The following DIP2C variants were observed in gnomAD, a reference collection of about 807,000 sequenced individuals.
The protein encoded by DIP2C is disco-interacting protein 2 homolog C.
In DIP2C, 33 loss-of-function variants were observed where a neutral mutation model predicts 192.4. That is an observed-to-expected ratio of 0.17 (90% CI 0.13 to 0.23). The LOEUF (loss-of-function observed/expected upper bound fraction) is 0.23, where lower values mean the gene tolerates loss of function less well. Among genes scored for constraint, DIP2C ranks in the 10% least tolerant of loss-of-function variants. The pLI, the probability that DIP2C is intolerant of heterozygous loss-of-function variation, is 1.00. For synonymous variants in DIP2C, 979 were observed against 864.1 expected, an observed-to-expected ratio of 1.13 and a Z score of -2.33; for missense variants, 1,537 against 2,110.1, an observed-to-expected ratio of 0.73 and a Z score of 5.32.
chr10:592,613 G>T (rs897750762), intron 1 of DIP2C, among the ~76,000 whole-genome samples: 7 of 152,244 alleles, frequency 4.6e-5, no homozygotes, highest in African/African-American at 1.7e-4. Flanking sequence ...GAATTCCTGG[G>T]ATTCAGAAAC....
At chr10:643,219 A>G (rs959881574) in intron 1 of DIP2C, among the ~76,000 whole-genome samples, 11 of 121,964 alleles carry the variant, frequency 9.0e-5, no homozygotes, top group African/African-American at 4.0e-4. Context: ...CTCCGTCTCA[A>G]AAAAAAAAAA....
At chr10:670,002 G>C (rs1857344616) in intron 1 of DIP2C, among the ~76,000 whole-genome samples, 1 of 152,156 alleles carries the variant, frequency 6.6e-6, no homozygotes, top group Non-Finnish European at 1.5e-5. Context: ...TTTTCTGACT[G>C]AGGAAACGGA....
intron 1 of DIP2C, among the ~76,000 whole-genome samples, chr10:500,198 G>GTGC (rs749702141): frequency 3.3e-5 from 5 of 152,242 alleles, no homozygotes; most frequent in African/African-American, 7.2e-5. Context: ...AACCACCTCT[G>GTGC]TGCTCATCAG....
At chr10:533,650 C>CAAA (rs534651561) in intron 1 of DIP2C, among the ~76,000 whole-genome samples, 2 of 122,618 alleles carry the variant, frequency 1.6e-5, no homozygotes, top group East Asian at 2.3e-4. Flanking sequence ...AGATACCTAC[C>CAAA]AAAAAAAAAA....
chr10:563,927 G>A (rs190045830), intron 1 of DIP2C, among the ~76,000 whole-genome samples: 9 of 152,306 alleles, frequency 5.9e-5, no homozygotes, highest in Admixed American at 3.3e-4. Flanking sequence ...TGCTGAGGTC[G>A]CTCATTCAGG....
At chr10:446,406 C>A (rs920165852) in intron 3 of DIP2C, among the ~76,000 whole-genome samples, 1 of 151,786 alleles carries the variant, frequency 6.6e-6, no homozygotes, top group Non-Finnish European at 1.5e-5. Context: ...GTCCCATGGT[C>A]CACTGGGCAT....
In DIP2C at chr10:302,447, G is replaced by A. The variant is rs146417324; in HGVS notation, c.3986+7584C>T. On this transcript the variant is annotated intron_variant, in intron 32 of 36. Coordinates refer to ENST00000280886, the MANE Select transcript of DIP2C (RefSeq NM_014974.3). ...GGCTCAGCTCTGGTACCCAAGGGAC[G>A]GGGGAGTGAGGGTGAGGCTCCTGGG... 2.6e-3 allele frequency among the ~76,000 whole-genome samples: 403 copies of A among 152,264 alleles called. 3 individuals are homozygous for A. The highest frequency in any genetic ancestry group is 9.1e-3 in the African/African-American group (378 of 41,556).
intron 36 of DIP2C, among the ~76,000 whole-genome samples, chr10:280,504 C>A (rs575096194): frequency 6.6e-6 from 1 of 151,552 alleles, no homozygotes; most frequent in African/African-American, 2.4e-5. Context: ...TAAAACTCCC[C>A]GGCCCTGGCC....
At chr10:303,429 T>C (rs1437619916) in intron 32 of DIP2C, among the ~76,000 whole-genome samples, 2 of 152,238 alleles carry the variant, frequency 1.3e-5, no homozygotes, top group Non-Finnish European at 2.9e-5. Context: ...TTAAAGCTTT[T>C]TGACTCACTT....
In DIP2C at chr10:603,319, AAAAAAAAAAAAAAAC is replaced by A. The variant is rs1214463138; in HGVS notation, c.85+86160_85+86174del. ...ATCTCAAAAAAAAAAAAAAAAAAAA[AAAAAAAAAAAAAAAC>A]CAACCATGAGATTTTGCTGCTTCAT... On this transcript the variant is annotated intron_variant, in intron 1 of 36. Transcript: ENST00000280886. Among the ~76,000 whole-genome samples the A allele has an allele frequency of 1.7e-3, 226 of 135,486 alleles. 1 individual carries two copies. Among genetic ancestry groups the A allele is most frequent in the African/African-American group, 4.8e-3 (161 of 33,558 alleles). 88.9% of individuals were successfully genotyped at this position (135,486 alleles called of 152,430 possible). A position where few individuals can be genotyped will look rare whatever the true frequency, so the allele number is the denominator to read the frequency against.
intron 9 of DIP2C, among the ~76,000 whole-genome samples, chr10:401,910 C>T (rs1964482405): frequency 6.6e-6 from 1 of 151,026 alleles, no homozygotes; most frequent in Non-Finnish European, 1.5e-5. Context: ...TGTGATTTTA[C>T]ACGTGTGGTA....
At chr10:445,514 G>C (rs1205518849) in intron 3 of DIP2C, among the ~76,000 whole-genome samples, 1 of 151,718 alleles carries the variant, frequency 6.6e-6, no homozygotes, top group African/African-American at 2.4e-5. Flanking sequence ...ATCTTGCACT[G>C]GGCATCTGTA....
chr10:539,311 A>AT (rs1407702885), intron 1 of DIP2C, among the ~76,000 whole-genome samples: 2 of 151,536 alleles, frequency 1.3e-5, no homozygotes, highest in Admixed American at 6.6e-5. Flanking sequence ...GATCAAGAAT[A>AT]TTTTTTTAAT....
At chr10:509,551 C>T (rs760454521) in intron 1 of DIP2C, among the ~76,000 whole-genome samples, 18 of 152,176 alleles carry the variant, frequency 1.2e-4, no homozygotes, top group Non-Finnish European at 2.4e-4. Flanking sequence ...CCCATTCTTG[C>T]CGAATATCTC....
chr10:340,791 C>A (rs188941137), intron 29 of DIP2C: 1 of 458,448 alleles, frequency 2.2e-6, no homozygotes, highest in East Asian at 6.9e-5. Flanking sequence ...CTGGGCTTGC[C>A]CAGCCTAAGC....
At chr10:370,652 G>T (rs1029324120) in intron 17 of DIP2C, among the ~76,000 whole-genome samples, 2 of 152,198 alleles carry the variant, frequency 1.3e-5, no homozygotes, top group Admixed American at 1.3e-4. Flanking sequence ...CTAAGATCAC[G>T]GATTACATTC....
chr10:279,856 C>G (rs1360588926), intron 36 of DIP2C, among the ~76,000 whole-genome samples: 5 of 152,176 alleles, frequency 3.3e-5, no homozygotes, highest in African/African-American at 1.2e-4. Flanking sequence ...GTCTAGAAGC[C>G]CACAGAGGGC....
intron 34 of DIP2C, among the ~76,000 whole-genome samples, chr10:285,263 G>A (rs892877135): frequency 7.2e-5 from 11 of 152,152 alleles, no homozygotes; most frequent in African/African-American, 2.2e-4. Flanking sequence ...GTGTAGAAAC[G>A]TGCTCTTGCA....
At chr10:571,387 C>A (rs1474198782) in intron 1 of DIP2C, among the ~76,000 whole-genome samples, 4 of 152,190 alleles carry the variant, frequency 2.6e-5, no homozygotes, top group African/African-American at 7.2e-5. Flanking sequence ...CTGTGACGCA[C>A]CCGCGAGGGT....
Sources: gnomAD v4.1 joint callset for allele counts (sites outside exome capture counted in the v4.1 genomes callset) on GRCh38, gnomAD v4.1.1 for gene constraint, MANE v1.5 for transcripts, NCBI Gene and HGNC (gene_info 2026-07-23, HGNC 2026-07-21) for gene names.